Variants in PTPRD observed in about 807,000 individuals in gnomAD.
PTPRD encodes receptor-type tyrosine-protein phosphatase delta.
Under a neutral mutation model 214.5 loss-of-function variants are expected in PTPRD, and 34 were observed. The observed-to-expected ratio is 0.16, with a 90% CI of 0.12 to 0.21. PTPRD has a LOEUF of 0.21. Ranked by LOEUF, PTPRD falls within the 10% of genes least tolerant of loss-of-function variation. PTPRD has a pLI of 1.00. For synonymous variants in PTPRD, 1,128 were observed against 845.7 expected (o/e 1.33, Z -5.79); for missense variants, 2,545 against 2,398.7 (o/e 1.06, Z -1.27).
chr9:8,809,091 A>C (rs186197538), intron 11 of PTPRD, among the ~76,000 whole-genome samples: 8 of 152,278 alleles, frequency 5.3e-5, no homozygotes, highest in Admixed American at 4.6e-4. Flanking sequence ...GCTAGTTGTT[A>C]CACCACTTAG....
At chr9:9,706,230 T>A (rs2097602704) in intron 7 of PTPRD, among the ~76,000 whole-genome samples, 1 of 152,182 alleles carries the variant, frequency 6.6e-6, no homozygotes, top group Admixed American at 6.5e-5. Flanking sequence ...GTTTTAGATT[T>A]CATATTTTAT....
chr9:8,476,029 G>C (rs899778800), intron 30 of PTPRD, among the ~76,000 whole-genome samples: 4 of 152,154 alleles, frequency 2.6e-5, no homozygotes, highest in African/African-American at 9.7e-5. Context: ...AGGCCAGCAG[G>C]ATCTTGCCTG....
intron 30 of PTPRD, among the ~76,000 whole-genome samples, chr9:8,479,421 G>C (rs2096834028): frequency 6.6e-6 from 1 of 152,130 alleles, no homozygotes; most frequent in Non-Finnish European, 1.5e-5. Flanking sequence ...GTCCAAAATA[G>C]TTTGCTTTCT....
At chr9:9,931,240 G>A (rs141000408) in intron 5 of PTPRD, among the ~76,000 whole-genome samples, 5,367 of 152,264 alleles carry the variant, frequency 0.035, 131 homozygotes, top group Non-Finnish European at 0.05. Flanking sequence ...GGCCGAATAG[G>A]AACAGCTCCG....
chr9:8,730,286 C>T (rs531772753), intron 12 of PTPRD, among the ~76,000 whole-genome samples: 2 of 151,874 alleles, frequency 1.3e-5, no homozygotes, highest in South Asian at 2.1e-4. Flanking sequence ...AGAAATATTG[C>T]GAGTATATAG....
At chr9:10,309,759 T>C (rs1327367325) in intron 3 of PTPRD, among the ~76,000 whole-genome samples, 3 of 152,000 alleles carry the variant, frequency 2.0e-5, no homozygotes, top group Non-Finnish European at 4.4e-5. Flanking sequence ...TATACATATG[T>C]GTCTGCTACG....
intron 8 of PTPRD, among the ~76,000 whole-genome samples, chr9:9,468,741 T>A (rs183284463): frequency 6.6e-6 from 1 of 152,162 alleles, no homozygotes; most frequent in Non-Finnish European, 1.5e-5. Flanking sequence ...AATTTTCACA[T>A]ATATTGAAAA....
intron 2 of PTPRD, among the ~76,000 whole-genome samples, chr9:10,469,073 A>C (rs969000620): frequency 6.6e-6 from 1 of 152,176 alleles, no homozygotes; most frequent in East Asian, 1.9e-4. Context: ...AGATAGGTAT[A>C]TAGTAAGTAT....
intron 3 of PTPRD, among the ~76,000 whole-genome samples, chr9:10,136,396 A>C (rs1377376016): frequency 3.3e-5 from 5 of 152,130 alleles, no homozygotes; most frequent in African/African-American, 9.7e-5. Flanking sequence ...ATAGATATTT[A>C]CAGAATACTC....
intron 2 of PTPRD, among the ~76,000 whole-genome samples, chr9:10,400,700 G>A (rs1349325598): frequency 1.3e-5 from 2 of 151,378 alleles, no homozygotes; most frequent in African/African-American, 4.8e-5. Flanking sequence ...AATAATCAGA[G>A]TAATTTTAAA....
chr9:8,419,036 T>C (rs1050006234), intron 35 of PTPRD, among the ~76,000 whole-genome samples: 4 of 151,864 alleles, frequency 2.6e-5, no homozygotes, highest in African/African-American at 7.3e-5. Flanking sequence ...CTCAGCAACA[T>C]AGTGAGACAT....
intron 12 of PTPRD, among the ~76,000 whole-genome samples, chr9:8,675,579 T>C (rs1220579910): frequency 2.5e-5 from 3 of 119,802 alleles, no homozygotes; most frequent in African/African-American, 9.8e-5. Context: ...CGCCTGGCAA[T>C]CCTATTCCCT....
intron 34 of PTPRD, among the ~76,000 whole-genome samples, chr9:8,445,754 T>A (rs1402176730): frequency 1.3e-5 from 2 of 152,176 alleles, no homozygotes; most frequent in African/African-American, 4.8e-5. Context: ...AAGTCACAAT[T>A]ACATTATGCT....
chr9:9,443,264 A>G (rs2088963427), intron 8 of PTPRD, among the ~76,000 whole-genome samples: 1 of 147,254 alleles, frequency 6.8e-6, no homozygotes, highest in African/African-American at 2.5e-5. Context: ...AATAAATAAC[A>G]GCATGGACAG....
intron 5 of PTPRD, among the ~76,000 whole-genome samples, chr9:9,831,553 G>T (rs2054846875): frequency 6.6e-6 from 1 of 151,924 alleles, no homozygotes; most frequent in African/African-American, 2.4e-5. Context: ...GATTGAAGAT[G>T]ATGATATTCT....
chr9:10,152,628 C>T lies in PTPRD; in HGVS notation c.-544-118838G>A, dbSNP rs186368514. Among the ~76,000 whole-genome samples, 199 of 152,170 alleles carry T rather than the reference C, an allele frequency of 1.3e-3. 1 individual carries two copies. The highest frequency in any genetic ancestry group is 4.1e-3 in the African/African-American group (171 of 41,524). On this transcript the variant is annotated intron_variant, in intron 3 of 45. Coordinates refer to ENST00000381196, the MANE Select transcript of PTPRD (RefSeq NM_002839.4). ...ATCACCTGAGGTCAGGAGTTTGAGA[C>T]CAGCCTGACCAACATGGAGAAACCT...
intron 7 of PTPRD, among the ~76,000 whole-genome samples, chr9:9,647,513 G>C (rs1359427644): frequency 6.6e-6 from 1 of 152,014 alleles, no homozygotes; most frequent in African/African-American, 2.4e-5. Context: ...ACTTTTGCCA[G>C]TCTTATATAT....
At chr9:9,351,539 T>A (rs2138207340) in intron 9 of PTPRD, among the ~76,000 whole-genome samples, 1 of 152,154 alleles carries the variant, frequency 6.6e-6, no homozygotes, top group Non-Finnish European at 1.5e-5. Flanking sequence ...GGTGGAGGGC[T>A]TTATTAATCA....
chr9:9,416,491 G>A (rs954321024), intron 8 of PTPRD, among the ~76,000 whole-genome samples: 4 of 152,140 alleles, frequency 2.6e-5, no homozygotes, highest in African/African-American at 9.7e-5. Flanking sequence ...AACAGAGCGT[G>A]CTCGGTGAAT....
Sources: allele counts gnomAD v4.1 joint callset (sites outside exome capture counted in the v4.1 genomes callset), GRCh38; gene constraint gnomAD v4.1.1; transcripts MANE v1.5; gene names NCBI Gene and HGNC (gene_info 2026-07-23, HGNC 2026-07-21).